BCAS3: variants seen among roughly 807,000 people sequenced by gnomAD.
BCAS3 encodes the protein BCAS3 microtubule associated cell migration factor.
Under a neutral mutation model 116.1 loss-of-function variants are expected in BCAS3, and 53 were observed. That is an observed-to-expected ratio of 0.46 (90% CI 0.37 to 0.57). The LOEUF (loss-of-function observed/expected upper bound fraction) is 0.57. Among genes scored for constraint, BCAS3 ranks in the 20% least tolerant of loss-of-function variants. The probability of loss-of-function intolerance (pLI) is 0.00; values close to 1 mark genes in which losing one functional copy is unlikely to be tolerated. For missense variants in BCAS3, 917 were observed against 1,165.4 expected (o/e 0.79, Z 3.10); for synonymous variants, 391 against 408.2 (o/e 0.96, Z 0.51).
chr17:61,281,381 G>A lies in BCAS3; in HGVS notation c.2426-86946G>A, dbSNP rs1040186387. 1.3e-5 allele frequency among the ~76,000 whole-genome samples: 2 copies of A among 152,128 alleles called. No homozygotes were observed. The highest frequency in any genetic ancestry group is 2.9e-5 in the Non-Finnish European group (2 of 68,012). On this transcript the variant is annotated intron_variant, in intron 22 of 23. Transcript: ENST00000407086. The surrounding 1 kb of genome is among the most constrained non-coding windows in gnomAD (Gnocchi z 4.2). ...CCAGGTCAAAGGATAAGTGACCTAG[G>A]AATTTTTTGTAATTTAATTATTTAA...
chr17:61,184,611 T>G (rs1208147850), intron 22 of BCAS3, among the ~76,000 whole-genome samples: 1 of 152,166 alleles, frequency 6.6e-6, no homozygotes, highest in Non-Finnish European at 1.5e-5. Flanking sequence ...AATAGGAATT[T>G]ACTCAAGAGA....
chr17:61,312,774 G>C (rs114106981), intron 22 of BCAS3, among the ~76,000 whole-genome samples: 1,633 of 152,314 alleles, frequency 0.011, 28 homozygotes, highest in African/African-American at 0.038. Context: ...GGGGACATCA[G>C]TGGCTCTGTA....
chr17:60,986,186 G>T (rs992389204), intron 14 of BCAS3, among the ~76,000 whole-genome samples: 10 of 152,002 alleles, frequency 6.6e-5, no homozygotes, highest in Non-Finnish European at 1.0e-4. Context: ...TCTTTTTATG[G>T]CTAAATAGTA....
In BCAS3 at chr17:61,226,546, C is replaced by T. The variant is rs896901314; in HGVS notation, c.2426-141781C>T. 2.1e-4 allele frequency among the ~76,000 whole-genome samples: 32 copies of T among 152,252 alleles called. No homozygotes were observed. Among genetic ancestry groups the T allele is most frequent in the African/African-American group, 7.2e-4 (30 of 41,534 alleles). On this transcript the variant is annotated intron_variant, in intron 22 of 23. Transcript: ENST00000407086. This position sits in a 1 kb window ranked among gnomAD's most constrained non-coding sequence, Gnocchi z 6.0. ...CAGTTCTTATTGGAATTGTGTTGAA[C>T]GACTCACTGCTATGAGCACCCAGTA...
At chr17:60,976,578 GC>G (rs2062394385) in intron 14 of BCAS3, among the ~76,000 whole-genome samples, 2 of 152,128 alleles carry the variant, frequency 1.3e-5, no homozygotes, top group South Asian at 4.2e-4. Context: ...TAGGCAGAGG[GC>G]CCTGCCGCCT....
At chr17:60,789,178 C>T (rs930967517) in intron 6 of BCAS3, among the ~76,000 whole-genome samples, 35 of 152,162 alleles carry the variant, frequency 2.3e-4, no homozygotes, top group African/African-American at 8.2e-4. Flanking sequence ...TAATCCTTAA[C>T]ATCAAAAGAG....
Position 61,124,443 on chromosome 17 carries a change from A to G in BCAS3, c.2425+39879A>G, listed in dbSNP as rs1240067782. On this transcript the variant is annotated intron_variant, in intron 22 of 23. Coordinates refer to ENST00000407086, the MANE Select transcript of BCAS3 (RefSeq NM_017679.5). The surrounding 1 kb of genome is among the most constrained non-coding windows in gnomAD (Gnocchi z 4.6). ...GTTTGTTAACTACATTCTATTGTAGAACTGTTCTTATTTTTAAGATCGTAG... is the reference window on the plus strand; with the variant it reads ...GTTTGTTAACTACATTCTATTGTAGGACTGTTCTTATTTTTAAGATCGTAG... 6.6e-6 allele frequency among the ~76,000 whole-genome samples: 1 copy of G among 152,100 alleles called. No homozygotes were observed.
rs2066854505 is a variant in BCAS3, at chr17:61,034,223, A to G, written c.1638-443A>G. 6.6e-6 allele frequency among the ~76,000 whole-genome samples: 1 copy of G among 152,206 alleles called. No homozygotes were observed. The highest frequency in any genetic ancestry group is 6.5e-5 in the Admixed American group (1 of 15,286). ...TAAATTCATTTATACTGTTAATCCC[A>G]CATCTTATAGATTGGTGCAAAGGCA... On this transcript the variant is annotated intron_variant, in intron 16 of 23. Coordinates refer to ENST00000407086, the MANE Select transcript of BCAS3 (RefSeq NM_017679.5). The surrounding 1 kb of genome is among the most constrained non-coding windows in gnomAD (Gnocchi z 5.0).
chr17:60,835,566 A>G (rs941404533), intron 7 of BCAS3, among the ~76,000 whole-genome samples: 5 of 148,970 alleles, frequency 3.4e-5, no homozygotes, highest in Middle Eastern at 3.4e-3. Flanking sequence ...ATTGCTGAAT[A>G]TTAAAGATTA....
chr17:61,000,274 G>A lies in BCAS3; in HGVS notation c.1486+10039G>A, dbSNP rs548408913. Among the ~76,000 whole-genome samples the A allele has an allele frequency of 3.9e-5, 6 of 152,110 alleles. No homozygotes were observed. The South Asian group carries it at 8.3e-4, about 21-fold the overall frequency. The stretch of plus-strand genomic sequence containing the variant: ...GTATGATGTTGGCTATGAGTTTGTT[G>A]TAGATGACTCTTACTATTTTGAGTC... On this transcript the variant is annotated intron_variant, in intron 15 of 23. Coordinates refer to ENST00000407086, the MANE Select transcript of BCAS3 (RefSeq NM_017679.5).
intron 22 of BCAS3, among the ~76,000 whole-genome samples, chr17:61,138,947 G>C (rs2076784857): frequency 6.6e-6 from 1 of 152,002 alleles, no homozygotes; most frequent in Non-Finnish European, 1.5e-5. Context: ...TTCTTAAAAA[G>C]AAGAAAAATA....
At chr17:61,086,727 A>G (rs2073121775) in intron 22 of BCAS3, 1 of 985,392 alleles carries the variant, frequency 1.0e-6, no homozygotes. Context: ...AAGCCATGGT[A>G]CCTTTCTGAA....
chr17:60,760,878 G>T (rs909514529), intron 6 of BCAS3, among the ~76,000 whole-genome samples: 1 of 152,002 alleles, frequency 6.6e-6, no homozygotes, highest in East Asian at 1.9e-4. Flanking sequence ...TGTCCCAAAT[G>T]CCACAAAGGC....
intron 22 of BCAS3, among the ~76,000 whole-genome samples, chr17:61,284,741 C>T (rs74547678): frequency 0.013 from 1,940 of 151,458 alleles, 89 homozygotes; most frequent in Admixed American, 0.082. Context: ...TATTTGTTCC[C>T]TTAAGGCCAT....
chr17:61,365,748 C>A lies in BCAS3; in HGVS notation c.2426-2579C>A, dbSNP rs1163362928. ...AGTAATGCAAACATTAACTGAGCTC[C>A]TTTCTAGAGACAGACCTCCTGCTCT... On this transcript the variant is annotated intron_variant, in intron 22 of 23. Coordinates refer to ENST00000407086, the MANE Select transcript of BCAS3 (RefSeq NM_017679.5). This position sits in a 1 kb window ranked among gnomAD's most constrained non-coding sequence, Gnocchi z 4.6. Among the ~76,000 whole-genome samples the A allele has an allele frequency of 3.3e-5, 5 of 152,222 alleles. No individual in the cohort carries two copies. Among genetic ancestry groups the A allele is most frequent in the Non-Finnish European group, 7.3e-5 (5 of 68,042 alleles).
chr17:60,693,822 A>AT lies in BCAS3; in HGVS notation c.214+4070dup, dbSNP rs988533013. ...ATTGTTTTAAGTAAAAAAGGGAATT[A>AT]TTTTTTTTTAATTTTGGAAAAATAT... On this transcript the variant is annotated intron_variant, in intron 4 of 23. Coordinates refer to ENST00000407086, the MANE Select transcript of BCAS3 (RefSeq NM_017679.5). Among the ~76,000 whole-genome samples, 55 of 146,156 alleles carry AT rather than the reference A, an allele frequency of 3.8e-4. 2 individuals carry two copies. Among genetic ancestry groups the AT allele is most frequent in the Admixed American group, 3.2e-3 (46 of 14,494 alleles).
At chr17:60,854,947 AG>A (rs2053525477) in intron 7 of BCAS3, among the ~76,000 whole-genome samples, 6 of 132,518 alleles carry the variant, frequency 4.5e-5, no homozygotes, top group Non-Finnish European at 6.3e-5. Flanking sequence ...ATTTTCAGTG[AG>A]GTTTTTTTTT....
At chr17:60,732,852 A>G (rs952992342) in intron 5 of BCAS3, among the ~76,000 whole-genome samples, 1 of 152,152 alleles carries the variant, frequency 6.6e-6, no homozygotes. Context: ...ATAAATAAAT[A>G]AATAAAAAAG....
At position 61,285,610 on chromosome 17, in the gene BCAS3, A is replaced by G. The variant is rs575083636; in HGVS notation, c.2426-82717A>G. Among the ~76,000 whole-genome samples, 3 of 152,352 alleles carry G rather than the reference A, an allele frequency of 2.0e-5. No homozygotes were observed. Among genetic ancestry groups the G allele is most frequent in the South Asian group, 4.1e-4 (2 of 4,826 alleles). On this transcript the variant is annotated intron_variant, in intron 22 of 23. Coordinates refer to ENST00000407086, the MANE Select transcript of BCAS3 (RefSeq NM_017679.5). This position sits in a 1 kb window ranked among gnomAD's most constrained non-coding sequence, Gnocchi z 5.4. ...ATTGAGATGCATGGACTTTGTGTAA[A>G]TAATGTACTTCTAATTGGCTTTGAT...
Sources: gnomAD v4.1 joint callset for allele counts (sites outside exome capture counted in the v4.1 genomes callset) on GRCh38, gnomAD v4.1.1 for gene constraint, Gnocchi (gnomAD v3.1) non-coding constraint, MANE v1.5 for transcripts, NCBI Gene and HGNC (gene_info 2026-07-23, HGNC 2026-07-21) for gene names.